Variants in TMLHE observed in about 807,000 individuals in gnomAD.
TMLHE encodes trimethyllysine dioxygenase, mitochondrial.
TMLHE carries 18 observed loss-of-function variants against 25.7 expected under a neutral mutation model. The observed-to-expected ratio is 0.70, with a 90% CI of 0.48 to 1.04. TMLHE has a LOEUF of 1.04. Ranked by LOEUF, TMLHE falls within the 50% of genes least tolerant of loss-of-function variation. TMLHE has a pLI of 0.00. For missense variants in TMLHE, 236 were observed against 259.0 expected, an observed-to-expected ratio of 0.91 and a Z score of 0.61; for synonymous variants, 105 against 97.0, an observed-to-expected ratio of 1.08 and a Z score of -0.49.
intron 1 of TMLHE, among the ~76,000 whole-genome samples, chrX:155,547,226 G>C (rs1383126742): frequency 1.1e-5 from 1 of 91,797 alleles, no homozygotes; most frequent in Non-Finnish European, 2.3e-5. Context: ...CTCACTGCAA[G>C]CTCCGCCTCC....
At chrX:155,524,220 A>G in intron 3 of TMLHE, 1 of 280,596 alleles carries the variant, frequency 3.6e-6, no homozygotes, top group Non-Finnish European at 6.3e-6. Flanking sequence ...CATCCTTGCC[A>G]TGTTCCCTGT....
chrX:155,599,242 A>G (rs2067742400), intron 1 of TMLHE, among the ~76,000 whole-genome samples: 3 of 111,435 alleles, frequency 2.7e-5, no homozygotes, highest in Admixed American at 9.6e-5. Context: ...CTGTACTTCC[A>G]TATTATACAA....
intron 4 of TMLHE, among the ~76,000 whole-genome samples, chrX:155,512,370 C>T (rs2067122324): frequency 1.0e-5 from 1 of 100,304 alleles, no homozygotes; most frequent in Non-Finnish European, 2.0e-5. Flanking sequence ...TTCCTGTGTC[C>T]ATGTGTTCTC....
Position 155,527,058 on chromosome X carries a change from C to T in TMLHE, c.182-2426G>A, listed in dbSNP as rs782579178. On this transcript the variant is annotated intron_variant, in intron 2 of 7. Coordinates refer to ENST00000334398, the MANE Select transcript of TMLHE (RefSeq NM_018196.4). ...GGAGTGAGTTAAGACTTTAGGAGAC[C>T]GTTGGAAGGCGTGATTGGTTTTGAA... 1.1e-4 allele frequency among the ~76,000 whole-genome samples: 12 copies of T among 111,851 alleles called. 1 individual carries two copies. In the South Asian group the frequency reaches 3.0e-3, roughly 28 times the overall value.
rs1243634968 is a variant in TMLHE at position 155,563,695 on chromosome X, G to C, written c.-1-18418C>G. On this transcript the variant is annotated intron_variant, in intron 1 of 7. Coordinates refer to ENST00000334398, the MANE Select transcript of TMLHE (RefSeq NM_018196.4). ...ACATGAGTCTTGAGTTCAGGGGAGA[G>C]ATATGAGCTGCAGATACAAATTTGG... Among the ~76,000 whole-genome samples, 2 of 61,420 alleles carry C rather than the reference G, an allele frequency of 3.3e-5. 1 individual carries two copies. Among genetic ancestry groups the C allele is most frequent in the Non-Finnish European group, 9.1e-5 (2 of 21,919 alleles). 53.3% of individuals were successfully genotyped at this position (61,420 alleles called of 115,157 possible). A position where few individuals can be genotyped will look rare whatever the true frequency, so the allele number is the denominator to read the frequency against.
chrX:155,612,322 T>C (rs1030714368), intron 1 of TMLHE: 1 of 111,549 alleles, frequency 9.0e-6, no homozygotes, highest in Non-Finnish European at 1.9e-5. Flanking sequence ...CGAAAGAAAG[T>C]GCTGCAAGAT....
Position 155,598,289 on chromosome X carries a change from G to C in TMLHE, c.-2+14503C>G, listed in dbSNP as rs950189641. On this transcript the variant is annotated intron_variant, in intron 1 of 7. Coordinates refer to ENST00000334398, the MANE Select transcript of TMLHE (RefSeq NM_018196.4). Reference sequence around the variant, plus strand: ...GCGGCACTATTCACAATAGCAAAGAGTTGGAACCAACCCAAATGTCCAACA... The same window carrying C: ...GCGGCACTATTCACAATAGCAAAGACTTGGAACCAACCCAAATGTCCAACA... 6.3e-5 allele frequency among the ~76,000 whole-genome samples: 7 copies of C among 110,488 alleles called. No individual in the cohort carries two copies. The East Asian group carries it at 1.1e-3, about 18-fold the overall frequency.
At chrX:155,547,112 C>G (rs1320112213) in intron 1 of TMLHE, among the ~76,000 whole-genome samples, 1 of 111,094 alleles carries the variant, frequency 9.0e-6, no homozygotes, top group Non-Finnish European at 1.9e-5. Flanking sequence ...TATTCACTCA[C>G]TTCATTATTT....
chrX:155,511,756 T>A lies in TMLHE; in HGVS notation c.675A>T (p.Ser225=). The A allele has an allele frequency of 7.5e-6, 9 of 1,195,696 alleles. No individual in the cohort carries two copies. Among genetic ancestry groups the A allele is most frequent in the Non-Finnish European group, 1.0e-5 (9 of 884,172 alleles). ...ACGCAGTGTCACCTCTGGAGAAGTC[T>A]GAAGTGAAATACCACATCCTCCCAT... ...TIYGRMWYFT[S]DFSRGDTAYT... The change falls in exon 5 of 8, where the codon TCA becomes TCT. Residue 225 remains serine (S), a synonymous_variant. Transcript: ENST00000334398.
intron 1 of TMLHE, among the ~76,000 whole-genome samples, chrX:155,597,380 G>A (rs1202754923): frequency 5.4e-5 from 6 of 111,074 alleles, no homozygotes; most frequent in Admixed American, 9.6e-5. Flanking sequence ...AAATAGGAAC[G>A]CTTTTACACT....
At chrX:155,512,653 A>C (rs1176349830) in intron 4 of TMLHE, among the ~76,000 whole-genome samples, 1 of 111,254 alleles carries the variant, frequency 9.0e-6, no homozygotes. Flanking sequence ...TTTTTTCAAT[A>C]ATGGTGGTCA....
intron 4 of TMLHE, among the ~76,000 whole-genome samples, chrX:155,513,605 GGT>G (rs781866085): frequency 2.5e-3 from 261 of 105,776 alleles, no homozygotes; most frequent in African/African-American, 4.2e-3. Context: ...GGGTCGAGGG[GGT>G]GTGTGTGTGT....
At chrX:155,510,765 A>C (rs1458832952) in intron 5 of TMLHE, among the ~76,000 whole-genome samples, 4 of 108,281 alleles carry the variant, frequency 3.7e-5, no homozygotes, top group Admixed American at 1.0e-4. Context: ...GTATATACCC[A>C]GTAATGGGAT....
At chrX:155,527,298 T>C (rs1461239958) in intron 2 of TMLHE, among the ~76,000 whole-genome samples, 1 of 111,786 alleles carries the variant, frequency 8.9e-6, no homozygotes, top group Non-Finnish European at 1.9e-5. Context: ...TAAAAGTGTG[T>C]AGCACTTCCC....
At position 155,548,606 on chromosome X, in the gene TMLHE, A is replaced by G. The variant is rs782543613; in HGVS notation, c.-1-3329T>C. ...AAAAATTAGCCGGGTGTGGTGGCAC[A>G]CACCTGTATTCCCAGCTACTCAGGA... On this transcript the variant is annotated intron_variant, in intron 1 of 7. Coordinates refer to ENST00000334398, the MANE Select transcript of TMLHE (RefSeq NM_018196.4). Among the ~76,000 whole-genome samples the G allele has an allele frequency of 7.9e-3, 861 of 108,413 alleles. 27 individuals are homozygous for G. Among genetic ancestry groups the G allele is most frequent in the African/African-American group, 0.025 (721 of 29,344 alleles). 94.1% of individuals were successfully genotyped at this position (108,413 alleles called of 115,157 possible).
chrX:155,578,348 C>T (rs2067604126), intron 1 of TMLHE, among the ~76,000 whole-genome samples: 1 of 111,629 alleles, frequency 9.0e-6, no homozygotes, highest in Non-Finnish European at 1.9e-5. Flanking sequence ...GGCAAGTACA[C>T]TAACCCAGTC....
intron 1 of TMLHE, among the ~76,000 whole-genome samples, chrX:155,570,055 G>C (rs1349655014): frequency 1.8e-5 from 1 of 55,727 alleles, no homozygotes; most frequent in African/African-American, 4.3e-5. Context: ...TGGATAAAGA[G>C]TCAAGACCCA....
intron 1 of TMLHE, among the ~76,000 whole-genome samples, chrX:155,578,671 C>T (rs1241095753): frequency 3.6e-5 from 4 of 111,471 alleles, no homozygotes; most frequent in Admixed American, 1.9e-4. Flanking sequence ...TAAACCCGGC[C>T]AAACATTGTC....
intron 1 of TMLHE, among the ~76,000 whole-genome samples, chrX:155,581,089 T>A (rs1244159439): frequency 8.9e-6 from 1 of 111,754 alleles, no homozygotes; most frequent in Non-Finnish European, 1.9e-5. Context: ...ATTATCTCAA[T>A]AGAAGCAGAA....
Sources: allele counts gnomAD v4.1 joint callset (sites outside exome capture counted in the v4.1 genomes callset), GRCh38; gene constraint gnomAD v4.1.1; transcripts MANE v1.5; gene names NCBI Gene and HGNC (gene_info 2026-07-23, HGNC 2026-07-21).